The following RANBP2 variants were observed in gnomAD, a reference collection of about 807,000 sequenced individuals.
RANBP2 encodes E3 SUMO-protein ligase RanBP2.
Under a neutral mutation model 303.6 loss-of-function variants are expected in RANBP2, and 57 were observed. The ratio of observed to expected loss-of-function variants is 0.19; its 90% CI spans 0.15 to 0.23. The LOEUF (loss-of-function observed/expected upper bound fraction) is 0.23, where lower values mean the gene tolerates loss of function less well. Among genes scored for constraint, RANBP2 ranks in the 10% least tolerant of loss-of-function variants. The pLI, the probability that RANBP2 is intolerant of heterozygous loss-of-function variation, is 1.00. For synonymous variants in RANBP2, 1,167 were observed against 1,301.5 expected (o/e 0.90, Z 2.23); for missense variants, 3,138 against 3,780.8 (o/e 0.83, Z 4.46).
chr2:109,179,218 C>A, the RANBP2 span, among the ~76,000 whole-genome samples: 1 of 152,156 alleles, frequency 6.6e-6, no homozygotes, highest in Non-Finnish European at 1.5e-5. Context: ...AAATTAGGTT[C>A]TACTTCCTGT....
chr2:109,291,278 C>A, the RANBP2 span, among the ~76,000 whole-genome samples: 2 of 137,002 alleles, frequency 1.5e-5, no homozygotes, highest in African/African-American at 5.3e-5. Flanking sequence ...ACAGAGTAAT[C>A]TCTTTTTTTT....
In RANBP2 at chr2:108,764,109, T is replaced by C. The variant is rs1246009018; in HGVS notation, c.3570T>C (p.Asp1190=). The change falls in exon 20 of 29, where the codon GAT becomes GAC. Residue 1190 remains aspartate, a synonymous_variant. Transcript: ENST00000283195. ...TTGAAGTAAAAACTGGTGAGGAAGA[T>C]GAAGAAGAATTCTTTTGCAACCGCG... is the stretch of plus-strand genomic sequence containing the variant. ...DKIEVKTGEE[D]EEEFFCNRAK... is the part of the protein sequence containing the mutation. 1 of 1,614,064 alleles carries C rather than the reference T, an allele frequency of 6.2e-7. No individual in the cohort carries two copies. The highest frequency in any genetic ancestry group is 8.5e-7 in the Non-Finnish European group (1 of 1,179,998).
chr2:109,373,790 C>T, the RANBP2 span, among the ~76,000 whole-genome samples: 3 of 152,092 alleles, frequency 2.0e-5, no homozygotes, highest in African/African-American at 7.2e-5. Context: ...AAGCTAAGAG[C>T]AAATCTTAAA....
intron 20 of RANBP2, among the ~76,000 whole-genome samples, chr2:108,770,473 T>C (rs1349334849): frequency 1.7e-4 from 26 of 152,204 alleles, no homozygotes; most frequent in Admixed American, 1.7e-3. Flanking sequence ...TTTAAAATTG[T>C]CATTTGGTGC....
Position 108,762,182 on chromosome 2 carries a change from T to C in RANBP2, c.2684T>C (p.Val895Ala). 1 of 1,591,174 alleles carries C rather than the reference T, an allele frequency of 6.3e-7. No homozygotes were observed. ...TATCTTCTCAGACCAGCAGCTAATG[T>C]TACTCCCACAAAGGTAACAAAGGAA... ...SQYLLRPAAN[V>A]TPTKGPVYGM... The change falls in exon 19 of 29, where the codon GTT becomes GCT. Residue 895 changes from valine to alanine, a missense_variant. By Grantham distance (64) the Val-to-Ala change is moderately conservative (BLOSUM62 0). Coordinates refer to ENST00000283195, the MANE Select transcript of RANBP2 (RefSeq NM_006267.5).
At chr2:108,845,889 A>T in the RANBP2 span, among the ~76,000 whole-genome samples, 7 of 152,144 alleles carry the variant, frequency 4.6e-5, no homozygotes, top group African/African-American at 1.7e-4. Context: ...TTCTTAATAG[A>T]TATATCAAAT....
chr2:108,872,538 C>T, the RANBP2 span, among the ~76,000 whole-genome samples: 1,192 of 152,152 alleles, frequency 7.8e-3, 22 homozygotes, highest in African/African-American at 0.026. Context: ...ATACCTGAGA[C>T]TGGGTAAGTT....
the RANBP2 span, among the ~76,000 whole-genome samples, chr2:108,805,165 G>A: frequency 0.8 from 121,855 of 152,078 alleles, 49,094 homozygotes; most frequent in East Asian, 0.95. Flanking sequence ...TGTAAATAAA[G>A]TATTCTTTAG....
At chr2:109,142,793 A>G in the RANBP2 span, among the ~76,000 whole-genome samples, 1 of 152,246 alleles carries the variant, frequency 6.6e-6, no homozygotes, top group Non-Finnish European at 1.5e-5. Context: ...TGGAAGTGCT[A>G]TAGGCTTGTC....
the RANBP2 span, among the ~76,000 whole-genome samples, chr2:109,001,528 T>C: frequency 1.3e-5 from 2 of 152,210 alleles, no homozygotes. Flanking sequence ...ACCCTCCCAC[T>C]GTGCCTGTAA....
the RANBP2 span, among the ~76,000 whole-genome samples, chr2:109,422,956 G>C: frequency 6.6e-6 from 1 of 152,114 alleles, no homozygotes; most frequent in Admixed American, 6.5e-5. Context: ...AGACCGACAC[G>C]CCTGGGTCTG....
chr2:109,023,128 T>C, the RANBP2 span, among the ~76,000 whole-genome samples: 2 of 152,340 alleles, frequency 1.3e-5, no homozygotes, highest in South Asian at 4.1e-4. Context: ...ATGTACAGAA[T>C]GCTTCTGCGC....
chr2:108,894,872 G>A, the RANBP2 span: 1 of 152,212 alleles, frequency 6.6e-6, no homozygotes, highest in African/African-American at 2.4e-5. Context: ...AATTCTAATA[G>A]TGTGAAATGA....
the RANBP2 span, chr2:109,616,103 G>T: frequency 6.8e-7 from 1 of 1,460,010 alleles, no homozygotes; most frequent in South Asian, 1.5e-5. Flanking sequence ...AGGTTTATTT[G>T]TCTTAATAAA....
Position 108,784,006 on chromosome 2 carries a change from G to T in RANBP2, c.*105G>T. The T allele has an allele frequency of 1.8e-6, 2 of 1,113,458 alleles. No homozygotes were observed. Among genetic ancestry groups the T allele is most frequent in the Admixed American group, 2.5e-5 (1 of 40,546 alleles). The allele number at this position is 1,113,458 out of a possible 1,614,324, so 69.0% of individuals were successfully genotyped here. ...TCAGCTTTTGAAAATGGACGTTTCC[G>T]ATTTACAAATGTAAAATTGCAGCTT... On this transcript the variant is annotated 3_prime_UTR_variant, in exon 29 of 29. Transcript: ENST00000283195.
At chr2:109,271,810 AT>A in the RANBP2 span, among the ~76,000 whole-genome samples, 1 of 152,244 alleles carries the variant, frequency 6.6e-6, no homozygotes, top group Admixed American at 6.5e-5. Context: ...TATCTTTAAA[AT>A]GCTGTACAAA....
the RANBP2 span, among the ~76,000 whole-genome samples, chr2:109,171,467 G>A: frequency 6.6e-6 from 1 of 152,208 alleles, no homozygotes; most frequent in Non-Finnish European, 1.5e-5. Flanking sequence ...CCTGCTCCAC[G>A]CTTGCCCCCC....
At chr2:109,515,182 C>T in the RANBP2 span, among the ~76,000 whole-genome samples, 2 of 152,328 alleles carry the variant, frequency 1.3e-5, no homozygotes, top group South Asian at 4.1e-4. Flanking sequence ...GAGGGTTCTC[C>T]AGGCATTGGG....
At position 108,736,184 on chromosome 2, in the gene RANBP2, T is replaced by C. The variant is rs368499904; in HGVS notation, c.717T>C (p.Tyr239=). 1 of 1,611,966 alleles carries C rather than the reference T, an allele frequency of 6.2e-7. No individual in the cohort carries two copies. Among genetic ancestry groups the C allele is most frequent in the Non-Finnish European group, 8.5e-7 (1 of 1,179,842 alleles). Residue 239 remains tyrosine (Y), a synonymous_variant, in exon 6 of 29, where the codon TAT becomes TAC. Coordinates refer to ENST00000283195, the MANE Select transcript of RANBP2 (RefSeq NM_006267.5). ...CCAATACAGACTTACTGCTGGCCTA[T>C]GCTAATCTTATGCTTCTTACGCTTT... ...RATNTDLLLA[Y]ANLMLLTLST...
Sources: gnomAD v4.1 joint callset for allele counts (sites outside exome capture counted in the v4.1 genomes callset) on GRCh38, gnomAD v4.1.1 for gene constraint, MANE v1.5 for transcripts, NCBI Gene and HGNC (gene_info 2026-07-23, HGNC 2026-07-21) for gene names.